Variants in ATP2A3 observed in about 807,000 individuals in gnomAD.
ATP2A3 encodes the protein sarcoplasmic/endoplasmic reticulum calcium ATPase 3.
ATP2A3 carries 61 observed loss-of-function variants against 106.8 expected under a neutral mutation model. That is an observed-to-expected ratio of 0.57 (90% CI 0.46 to 0.71). ATP2A3 has a LOEUF of 0.71. Ranked by LOEUF, ATP2A3 falls within the 30% of genes least tolerant of loss-of-function variation. The pLI, the probability that ATP2A3 is intolerant of heterozygous loss-of-function variation, is 0.00. For synonymous variants in ATP2A3, 611 were observed against 609.3 expected (o/e 1.00, Z -0.04); for missense variants, 1,201 against 1,423.5 (o/e 0.84, Z 2.52).
In ATP2A3 at chr17:3,950,414, T is replaced by C. The variant is rs898022807; in HGVS notation, c.630+97A>G. ...CCTGACCTCAGGTGATCCACCCACC[T>C]CAGCCTCCCAAAGTGCTGGGATTAC... On this transcript the variant is annotated intron_variant, in intron 7 of 20. Coordinates refer to ENST00000397041, the MANE Select transcript of ATP2A3 (RefSeq NM_005173.4). 11 of 1,351,476 alleles carry C rather than the reference T, an allele frequency of 8.1e-6. No individual in the cohort carries two copies. The Admixed American group carries it at 2.0e-4, about 24-fold the overall frequency. 83.7% of individuals were successfully genotyped at this position (1,351,476 alleles called of 1,614,324 possible).
At chr17:3,959,616 G>C (rs568896493) in intron 1 of ATP2A3, among the ~76,000 whole-genome samples, 1 of 152,224 alleles carries the variant, frequency 6.6e-6, no homozygotes, top group Non-Finnish European at 1.5e-5. Context: ...AGTTCCAGCC[G>C]GGAGAGGCAA....
At chr17:3,932,952 C>G (rs959717780) in intron 17 of ATP2A3, among the ~76,000 whole-genome samples, 1 of 151,770 alleles carries the variant, frequency 6.6e-6, no homozygotes, top group Non-Finnish European at 1.5e-5. Flanking sequence ...GACGCTTATG[C>G]GTCTACACAG....
rs773177263 is a variant in ATP2A3 at position 3,941,001 on chromosome 17, G to A, written c.2070C>T (p.Asn690=). 6 of 1,613,840 alleles carry A rather than the reference G, an allele frequency of 3.7e-6. No homozygotes were observed. The Admixed American group carries it at 5.0e-5, about 13-fold the overall frequency. The change falls in exon 14 of 21, where the codon AAC becomes AAT. Residue 690 remains asparagine (N), a synonymous_variant. Transcript: ENST00000397041. The part of the protein sequence containing the change: ...EPAHKSRIVE[N]LQSFNEITAM... ...CAGTGATCTCGTTAAAGGACTGCAG[G>A]TTCTCCACGATGCGGGACTTGTGTG...
At chr17:3,942,847 A>C (rs1267252361) in intron 11 of ATP2A3, 116 bp from the exon 12 acceptor site, 3 of 1,479,954 alleles carry the variant, frequency 2.0e-6, no homozygotes, top group Non-Finnish European at 2.8e-6. Flanking sequence ...TGACATCTAC[A>C]CTCCTCTGAC....
In ATP2A3 at chr17:3,928,899, C is replaced by T; in HGVS notation, c.2863-119G>A. ...GACTCTTCATGAGCGCTCCTAAGAA[C>T]CCCCTGGATGCACCCCCGATCTTTG... is the stretch of plus-strand genomic sequence containing the variant. On this transcript the variant is annotated intron_variant, in intron 19 of 20. Transcript: ENST00000397041. This position sits in a 1 kb window ranked among gnomAD's most constrained non-coding sequence, Gnocchi z 6.1. 6.8e-6 allele frequency: 5 copies of T among 731,636 alleles called. No homozygotes were observed. Among genetic ancestry groups the T allele is most frequent in the Non-Finnish European group, 1.2e-5 (5 of 434,222 alleles). 45.3% of individuals were successfully genotyped at this position (731,636 alleles called of 1,614,324 possible). A position where few individuals can be genotyped will look rare whatever the true frequency, so the allele number is the denominator to read the frequency against.
intron 5 of ATP2A3, 104 bp from the exon 6 acceptor site, chr17:3,950,877 C>T (rs2054379653): frequency 8.6e-7 from 1 of 1,163,988 alleles, no homozygotes; most frequent in Admixed American, 2.0e-5. Context: ...GCGTCGGGTG[C>T]CTGAGCTGTG....
chr17:3,932,836 T>C (rs1468529497), intron 17 of ATP2A3, among the ~76,000 whole-genome samples: 3 of 151,790 alleles, frequency 2.0e-5, no homozygotes, highest in African/African-American at 7.3e-5. Context: ...CTGCCAATTG[T>C]GCCACTGTTG....
Position 3,943,457 on chromosome 17 carries a change from C to T in ATP2A3, c.1353G>A (p.Lys451=), listed in dbSNP as rs202012487. 18 of 1,614,134 alleles carry T rather than the reference C, an allele frequency of 1.1e-5. No homozygotes were observed. The East Asian group carries it at 4.0e-4, about 36-fold the overall frequency. Residue 451 remains lysine, a synonymous_variant, in exon 11 of 21, where the codon AAG becomes AAA. Coordinates refer to ENST00000397041, the MANE Select transcript of ATP2A3 (RefSeq NM_005173.4). The stretch of plus-strand genomic sequence containing the variant: ...GCAGGTCGGTGTCGAACACGTTCAT[C>T]TTCTCCACCAGGCAAGTCAGAGCTG... ...TETALTCLVE[K]MNVFDTDLQA...
rs1249378135 is a variant in ATP2A3 at position 3,936,598 on chromosome 17, C to T, written c.2322-129G>A. On this transcript the variant is annotated intron_variant, in intron 15 of 20. Coordinates refer to ENST00000397041, the MANE Select transcript of ATP2A3 (RefSeq NM_005173.4). The surrounding 1 kb of genome is among the most constrained non-coding windows in gnomAD (Gnocchi z 5.4). Reference sequence around the variant, plus strand: ...TCTCCACAGCAGCCCCTCCTCCCTCCGCCAGCTGTGATGTGAAGGGTGTGT... The same window carrying T: ...TCTCCACAGCAGCCCCTCCTCCCTCTGCCAGCTGTGATGTGAAGGGTGTGT... 10 of 982,636 alleles carry T rather than the reference C, an allele frequency of 1.0e-5. No individual in the cohort carries two copies. In the Admixed American group the frequency reaches 1.4e-4, roughly 14 times the overall value. 60.9% of individuals were successfully genotyped at this position (982,636 alleles called of 1,614,324 possible).
Position 3,942,611 on chromosome 17 carries a change from C to A in ATP2A3, c.1540G>T (p.Val514Leu). The A allele has an allele frequency of 1.2e-6, 2 of 1,611,134 alleles. No individual in the cohort carries two copies. The highest frequency in any genetic ancestry group is 1.7e-6 in the Non-Finnish European group (2 of 1,179,750). Reference sequence around the variant, plus strand: ...CCAGCCAGGCAGGCCCCCACCTTCACAAACATCTTGCTGCCCTGGCCAGTA... The same window carrying A: ...CCAGCCAGGCAGGCCCCCACCTTCAAAAACATCTTGCTGCCCTGGCCAGTA... ...HPTGQGSKMF[V>L]KGAPESVIER... Residue 514 changes from valine (V) to leucine (L), a missense_variant, in exon 12 of 21, where the codon GTG (valine) becomes TTG (leucine). Coordinates refer to ENST00000397041, the MANE Select transcript of ATP2A3 (RefSeq NM_005173.4).
At chr17:3,934,916 T>C (rs955861073) in intron 17 of ATP2A3, 15 of 462,448 alleles carry the variant, frequency 3.2e-5, no homozygotes, top group African/African-American at 3.0e-4. Flanking sequence ...GTTTTAGGGG[T>C]CCCTTGACAA....
At position 3,930,528 on chromosome 17, in the gene ATP2A3, C is replaced by G; in HGVS notation, c.2611-94G>C. The G allele has an allele frequency of 6.4e-7, 1 of 1,564,338 alleles. No homozygotes were observed. The highest frequency in any genetic ancestry group is 8.7e-7 in the Non-Finnish European group (1 of 1,153,146). ...AGCCTCATCCTGCCCTTGGCCCACG[C>G]CTGGGCACAACCAGCACACAAAACA... On this transcript the variant is annotated intron_variant, in intron 17 of 20. Coordinates refer to ENST00000397041, the MANE Select transcript of ATP2A3 (RefSeq NM_005173.4). The surrounding 1 kb of genome is among the most constrained non-coding windows in gnomAD (Gnocchi z 5.4).
intron 1 of ATP2A3, among the ~76,000 whole-genome samples, chr17:3,957,308 C>T (rs1194757109): frequency 6.6e-6 from 1 of 152,218 alleles, no homozygotes; most frequent in African/African-American, 2.4e-5. Context: ...GGGTTTTGAG[C>T]TCAGGCAGTC....
chr17:3,950,486 C>T, intron 7 of ATP2A3, 25 bp downstream of exon 7: 1 of 1,604,378 alleles, frequency 6.2e-7, no homozygotes, highest in Non-Finnish European at 8.5e-7. Flanking sequence ...ATTGTCTGGG[C>T]AAAGGCCCCA....
rs1236806284 is a variant in ATP2A3, at chr17:3,929,398, G to C, written c.2792C>G (p.Pro931Arg). ...CATGGCCACAGCCACCAGCAGCCAG[G>C]GGTTCATCCAGGGCGGCATCCGCAG... ...SLLRMPPWMN[P>R]WLLVAVAMSM... is the part of the protein sequence containing the mutation. The change falls in exon 19 of 21, where the codon CCC becomes CGC. Residue 931 changes from proline to arginine, a missense_variant. Pro to Arg is a moderately radical substitution (Grantham distance 103). This residue lies in a region of ATP2A3 where 935 missense variants were observed against 1,176.7 expected (regional missense o/e 0.79). Transcript: ENST00000397041. The surrounding 1 kb of genome is among the most constrained non-coding windows in gnomAD (Gnocchi z 4.3). 1.3e-6 allele frequency: 2 copies of C among 1,588,340 alleles called. No individual in the cohort carries two copies. Among genetic ancestry groups the C allele is most frequent in the Admixed American group, 3.5e-5 (2 of 56,680 alleles).
At chr17:3,954,241 C>CTG (rs1181283370) in intron 1 of ATP2A3, among the ~76,000 whole-genome samples, 5 of 152,130 alleles carry the variant, frequency 3.3e-5, no homozygotes, top group Non-Finnish European at 7.4e-5. Context: ...TCCCCTGGGA[C>CTG]CAGCTGGACA....
intron 10 of ATP2A3, 128 bp from the exon 11 acceptor site, chr17:3,943,650 C>T (rs1055274304): frequency 8.2e-6 from 12 of 1,472,242 alleles, no homozygotes; most frequent in Admixed American, 1.8e-5. Context: ...TGCACCGGCC[C>T]GTGAGCCCTT....
chr17:3,944,980 T>C, intron 9 of ATP2A3, 80 bp downstream of exon 9: 1 of 1,311,334 alleles, frequency 7.6e-7, no homozygotes. Context: ...CCCAGGGGCC[T>C]CCCACGGCCA....
At chr17:3,963,637 CGCTTCGGGTT>C (rs1456600046) in intron 1 of ATP2A3, among the ~76,000 whole-genome samples, 1 of 152,224 alleles carries the variant, frequency 6.6e-6, no homozygotes, top group Non-Finnish European at 1.5e-5. Flanking sequence ...CAGCCACATC[CGCTTCGGGTT>C]GCAGAAAGAG....
Sources: allele counts gnomAD v4.1 joint callset (sites outside exome capture counted in the v4.1 genomes callset), GRCh38; gene constraint gnomAD v4.1.1; regional missense constraint gnomAD v4.1.1; non-coding constraint Gnocchi (gnomAD v3.1); transcripts MANE v1.5; gene names NCBI Gene and HGNC (gene_info 2026-07-23, HGNC 2026-07-21).